Variants in TAF5 observed in about 807,000 individuals in gnomAD.
TAF5 encodes the protein transcription initiation factor TFIID subunit 5.
A neutral mutation model predicts 80.9 loss-of-function variants in TAF5; 20 were observed. The observed-to-expected ratio is 0.25, with a 90% CI of 0.17 to 0.36. The LOEUF (loss-of-function observed/expected upper bound fraction) is 0.36. Among genes scored for constraint, TAF5 ranks in the 10% least tolerant of loss-of-function variants. The probability of loss-of-function intolerance (pLI) is 1.00; values close to 1 mark genes in which losing one functional copy is unlikely to be tolerated. For synonymous variants in TAF5, 388 were observed against 406.4 expected, an observed-to-expected ratio of 0.95 and a Z score of 0.55; for missense variants, 863 against 1,029.4, an observed-to-expected ratio of 0.84 and a Z score of 2.21.
At chr10:103,369,929 A>G (rs1009517148) in intron 1 of TAF5, among the ~76,000 whole-genome samples, 1 of 151,526 alleles carries the variant, frequency 6.6e-6, no homozygotes, top group African/African-American at 2.4e-5. Flanking sequence ...TTAGTTTTTA[A>G]TTTTTTTTAC....
chr10:103,383,258 G>T lies in TAF5; in HGVS notation c.1555G>T (p.Glu519Ter). The change falls in exon 7 of 11, where the codon GAA becomes TAA. Residue 519 changes from glutamate to a stop codon, truncating the protein, a stop_gained. Transcript: ENST00000369839. LOFTEE classifies it high-confidence loss of function. ...QASDLSLIDK[E>*]SDDVLERIMD... is the part of the protein sequence containing the mutation. ...TTTAGATCTTAGTCTTATAGACAAAGAATCAGATGATGTCTTAGAAAGAAT... is the reference window on the plus strand; with the variant it reads ...TTTAGATCTTAGTCTTATAGACAAATAATCAGATGATGTCTTAGAAAGAAT... 1 of 1,588,730 alleles carries T rather than the reference G, an allele frequency of 6.3e-7. No individual in the cohort carries two copies. The highest frequency in any genetic ancestry group is 1.2e-5 in the South Asian group (1 of 86,826).
intron 5 of TAF5, among the ~76,000 whole-genome samples, chr10:103,380,929 CTTATT>C (rs1403633183): frequency 6.6e-6 from 1 of 150,930 alleles, no homozygotes; most frequent in African/African-American, 2.4e-5. Flanking sequence ...CCATATAAAC[CTTATT>C]TTATTTTATT....
chr10:103,382,374 A>G (rs1418714056), intron 6 of TAF5, among the ~76,000 whole-genome samples: 1 of 151,990 alleles, frequency 6.6e-6, no homozygotes, highest in Admixed American at 6.6e-5. Flanking sequence ...ACAGGTGCCC[A>G]CCACCATGCC....
At chr10:103,370,773 G>T (rs989010271) in intron 1 of TAF5, among the ~76,000 whole-genome samples, 13 of 152,142 alleles carry the variant, frequency 8.5e-5, no homozygotes, top group African/African-American at 2.9e-4. Context: ...ACCGTATAAG[G>T]TATCAAAGGT....
In TAF5 at chr10:103,368,554, C is replaced by T; in HGVS notation, c.559+6C>T. On this transcript the variant is annotated splice_donor_region_variant and intron_variant, in intron 1 of 10. Transcript: ENST00000369839. ...TCCTGCGGCTCCGGGTAAAGGTGAG[C>T]CGTGGGGTCCCGGGTAGGTACGGCC... 1.3e-6 allele frequency: 2 copies of T among 1,490,490 alleles called. No homozygotes were observed. The highest frequency in any genetic ancestry group is 1.8e-6 in the Non-Finnish European group (2 of 1,128,292). The allele number at this position is 1,490,490 out of a possible 1,614,324, so 92.3% of individuals were successfully genotyped here. A position where few individuals can be genotyped will look rare whatever the true frequency, so the allele number is the denominator to read the frequency against.
chr10:103,378,274 AC>A lies in TAF5; in HGVS notation c.838del (p.Arg280GlufsTer12), dbSNP rs745963263. On this transcript the variant is annotated frameshift_variant, in exon 3 of 11. Transcript: ENST00000369839. LOFTEE classifies it high-confidence loss of function. The surrounding 1 kb of genome is among the most constrained non-coding windows in gnomAD (Gnocchi z 4.1). ...AGGAATGTTATTACCAGGATGACCT[AC>A]GAGTATTATCTAGTCTTACCAAAAA... Reference protein sequence around the residue: ...DQECYYQDDLRVLSSLTKKEH... With the variant: ...DQECYYQDDLXVLSSLTKKEH... 1 of 1,614,184 alleles carries A rather than the reference AC, an allele frequency of 6.2e-7. No individual in the cohort carries two copies. The highest frequency in any genetic ancestry group is 1.1e-5 in the South Asian group (1 of 91,076).
chr10:103,385,302 A>G, intron 7 of TAF5, 24 bp from the exon 8 acceptor site: 2 of 1,588,606 alleles, frequency 1.3e-6, no homozygotes, highest in Non-Finnish European at 1.7e-6. Flanking sequence ...TGGGAGTCAA[A>G]TATATCACCT....
At chr10:103,370,954 T>C (rs545398425) in intron 1 of TAF5, among the ~76,000 whole-genome samples, 1 of 152,156 alleles carries the variant, frequency 6.6e-6, no homozygotes, top group Admixed American at 6.5e-5. Context: ...GCAGATGTGA[T>C]TGAAGGCCGG....
At position 103,381,706 on chromosome 10, in the gene TAF5, C is replaced by T. The variant is rs2093383269; in HGVS notation, c.1414-15C>T. ...CCTAAAATAGTATTGTTTAGTCTAA[C>T]CCTTTTATTGGCAGGGTCTCACTGC... On this transcript the variant is annotated splice_polypyrimidine_tract_variant and intron_variant, in intron 5 of 10. Coordinates refer to ENST00000369839, the MANE Select transcript of TAF5 (RefSeq NM_006951.5). 2.5e-6 allele frequency: 4 copies of T among 1,613,810 alleles called. No homozygotes were observed. Among genetic ancestry groups the T allele is most frequent in the Non-Finnish European group, 3.4e-6 (4 of 1,179,900 alleles).
In TAF5 at chr10:103,385,490, G is replaced by A. The variant is rs1192692676; in HGVS notation, c.1829G>A (p.Arg610Gln). 6.2e-7 allele frequency: 1 copy of A among 1,613,554 alleles called. No homozygotes were observed. The highest frequency in any genetic ancestry group is 8.5e-7 in the Non-Finnish European group (1 of 1,179,858). ...TCAGGGGGCCATGACCGAGTAGCTCGGTAAGAACACTGTGATCTTATGACT... is the reference window on the plus strand; with the variant it reads ...TCAGGGGGCCATGACCGAGTAGCTCAGTAAGAACACTGTGATCTTATGACT... The part of the protein sequence containing the change: ...FVSGGHDRVA[R>Q]LWATDHYQPL... The change falls in exon 8 of 11, where the codon CGG becomes CAG. Residue 610 changes from arginine (R) to glutamine (Q), a missense_variant and splice_region_variant. By Grantham distance (43) the Arg-to-Gln change is conservative (BLOSUM62 1). This residue lies in a region of TAF5 where 368 missense variants were observed against 461.7 expected (regional missense o/e 0.80). Coordinates refer to ENST00000369839, the MANE Select transcript of TAF5 (RefSeq NM_006951.5).
chr10:103,373,737 G>A lies in TAF5; in HGVS notation c.797+142G>A, dbSNP rs2093364908. 5 of 652,582 alleles carry A rather than the reference G, an allele frequency of 7.7e-6. No homozygotes were observed. The South Asian group carries it at 1.1e-4, about 14-fold the overall frequency. 40.4% of individuals were successfully genotyped at this position (652,582 alleles called of 1,614,324 possible). Reference sequence around the variant, plus strand: ...GTGAAGGAGAGGTACCTGAGGCTATGAGAACTTAAAATGTGGGGTTTGATC... The same window carrying A: ...GTGAAGGAGAGGTACCTGAGGCTATAAGAACTTAAAATGTGGGGTTTGATC... On this transcript the variant is annotated intron_variant, in intron 2 of 10. Coordinates refer to ENST00000369839, the MANE Select transcript of TAF5 (RefSeq NM_006951.5).
Position 103,385,405 on chromosome 10 carries a change from A to G in TAF5, c.1744A>G (p.Lys582Glu). The stretch of plus-strand genomic sequence containing the variant: ...AACATTTACTTGTTTGGTGGGATAT[A>G]AAGGACACAACTATCCAGTATGGGA... ...LQTFTCLVGY[K>E]GHNYPVWDTQ... is the part of the protein sequence containing the mutation. The change falls in exon 8 of 11, where the codon AAA becomes GAA. Residue 582 changes from lysine (K) to glutamate (E), a missense_variant. Coordinates refer to ENST00000369839, the MANE Select transcript of TAF5 (RefSeq NM_006951.5). 6.2e-7 allele frequency: 1 copy of G among 1,614,058 alleles called. No homozygotes were observed. Among genetic ancestry groups the G allele is most frequent in the Non-Finnish European group, 8.5e-7 (1 of 1,179,976 alleles).
chr10:103,388,389 A>G lies in TAF5; in HGVS notation c.*166A>G. The stretch of plus-strand genomic sequence containing the variant: ...GAACAGGACAGTTCCACGTTTCTAT[A>G]GCAACCACATTTGACTAATTTCCGT... On this transcript the variant is annotated 3_prime_UTR_variant, in exon 11 of 11. Transcript: ENST00000369839. The G allele has an allele frequency of 8.3e-6, 5 of 600,062 alleles. No individual in the cohort carries two copies. In the South Asian group the frequency reaches 1.1e-4, roughly 13 times the overall value. 37.2% of individuals were successfully genotyped at this position (600,062 alleles called of 1,614,324 possible). A position where few individuals can be genotyped will look rare whatever the true frequency, so the allele number is the denominator to read the frequency against.
chr10:103,373,204 A>T (rs895177048), intron 1 of TAF5, among the ~76,000 whole-genome samples, 154 bp from the exon 2 acceptor site: 4 of 152,188 alleles, frequency 2.6e-5, no homozygotes, highest in Admixed American at 2.6e-4. Context: ...TCAAAAAAAA[A>T]AAAAAAAGAT....
intron 2 of TAF5, among the ~76,000 whole-genome samples, chr10:103,376,423 C>A (rs2093370208): frequency 6.6e-6 from 1 of 151,874 alleles, no homozygotes; most frequent in Admixed American, 6.6e-5. Context: ...AGCAACAGAG[C>A]CTGAAGTCAA....
At position 103,384,764 on chromosome 10, in the gene TAF5, T is replaced by C. The variant is rs375957657; in HGVS notation, c.1665-562T>C. 5.1e-4 allele frequency among the ~76,000 whole-genome samples: 77 copies of C among 152,382 alleles called. 1 individual carries two copies. The South Asian group carries it at 0.016, about 31-fold the overall frequency. Reference sequence around the variant, plus strand: ...ATGATACATTTTTGAGGGAAACGTCTGATTTCAGTGAAAATTGTAATAACC... The same window carrying C: ...ATGATACATTTTTGAGGGAAACGTCCGATTTCAGTGAAAATTGTAATAACC... On this transcript the variant is annotated intron_variant, in intron 7 of 10. Coordinates refer to ENST00000369839, the MANE Select transcript of TAF5 (RefSeq NM_006951.5).
chr10:103,380,677 A>G (rs2093380729), intron 5 of TAF5, among the ~76,000 whole-genome samples: 1 of 149,422 alleles, frequency 6.7e-6, no homozygotes, highest in African/African-American at 2.5e-5. Flanking sequence ...TGCAGAGGTG[A>G]GATCTCAGCT....
rs1298675271 is a variant in TAF5, at chr10:103,381,793, G to A, written c.1486G>A (p.Val496Met). 1.9e-6 allele frequency: 3 copies of A among 1,614,178 alleles called. No homozygotes were observed. In the Admixed American group the frequency reaches 5.0e-5, roughly 27 times the overall value. ...AGGFADSTVR[V>M]WSVTPKKLRS... ...AGGTTTTGCAGATTCAACTGTCAGAGTGTGGTCGGTAACACCCAAAAAGCT... is the reference window on the plus strand; with the variant it reads ...AGGTTTTGCAGATTCAACTGTCAGAATGTGGTCGGTAACACCCAAAAAGCT... Residue 496 changes from valine (V) to methionine (M), a missense_variant, in exon 6 of 11, where the codon GTG becomes ATG. By Grantham distance (21) the Val-to-Met change is conservative. This residue lies in a region of TAF5 where 368 missense variants were observed against 461.7 expected (regional missense o/e 0.80). Transcript: ENST00000369839.
At chr10:103,375,774 C>T (rs2133627260) in intron 2 of TAF5, among the ~76,000 whole-genome samples, 1 of 152,042 alleles carries the variant, frequency 6.6e-6, no homozygotes, top group South Asian at 2.1e-4. Context: ...AAGAAGGAGG[C>T]AGGCTGGGTG....
Sources: allele counts gnomAD v4.1 joint callset (sites outside exome capture counted in the v4.1 genomes callset), GRCh38; gene constraint gnomAD v4.1.1; regional missense constraint gnomAD v4.1.1; non-coding constraint Gnocchi (gnomAD v3.1); transcripts MANE v1.5; gene names NCBI Gene and HGNC (gene_info 2026-07-23, HGNC 2026-07-21).